TACR3: variants seen among roughly 807,000 people sequenced by gnomAD.
TACR3 encodes the protein tachykinin receptor 3, also known as neuromedin-K receptor.
In TACR3, 34 loss-of-function variants were observed where a neutral mutation model predicts 35.0. That is an observed-to-expected ratio of 0.97 (90% CI 0.74 to 1.30). The LOEUF (loss-of-function observed/expected upper bound fraction) is 1.30, where lower values mean the gene tolerates loss of function less well. TACR3 is among the 50% of genes most tolerant of loss of function. The pLI, the probability that TACR3 is intolerant of heterozygous loss-of-function variation, is 0.00. For missense variants in TACR3, 558 were observed against 591.7 expected, an observed-to-expected ratio of 0.94 and a Z score of 0.59; for synonymous variants, 233 against 221.1, an observed-to-expected ratio of 1.05 and a Z score of -0.48.
chr4:103,657,651 T>A (rs1387258865), intron 2 of TACR3, among the ~76,000 whole-genome samples: 4 of 152,230 alleles, frequency 2.6e-5, no homozygotes. Flanking sequence ...ACATTATTAT[T>A]CCTTCTTGCT....
At position 103,606,688 on chromosome 4, in the gene TACR3, C is replaced by G. The variant is rs1056617119; in HGVS notation, c.889-15005G>C. On this transcript the variant is annotated intron_variant, in intron 3 of 4. Coordinates refer to ENST00000304883, the MANE Select transcript of TACR3 (RefSeq NM_001059.3). ...ATTGATTTTGTATCCTGAGACTTTG[C>G]TGAAGTTGCTTATCAGCTTAAGGAG... Among the ~76,000 whole-genome samples, 3 of 152,148 alleles carry G rather than the reference C, an allele frequency of 2.0e-5. 1 individual carries two copies. Among genetic ancestry groups the G allele is most frequent in the East Asian group, 1.9e-4 (1 of 5,174 alleles).
At chr4:103,706,031 G>C (rs1436115774) in intron 1 of TACR3, among the ~76,000 whole-genome samples, 2 of 152,164 alleles carry the variant, frequency 1.3e-5, no homozygotes, top group Non-Finnish European at 2.9e-5. Flanking sequence ...GACCAATTAG[G>C]CAATTTTAGT....
intron 3 of TACR3, among the ~76,000 whole-genome samples, chr4:103,623,089 AATAT>A (rs1724819187): frequency 6.6e-6 from 1 of 152,088 alleles, no homozygotes; most frequent in African/African-American, 2.4e-5. Flanking sequence ...AAGTCTTTAA[AATAT>A]ATATTTATCT....
At chr4:103,689,815 A>G (rs1302147969) in intron 1 of TACR3, among the ~76,000 whole-genome samples, 5 of 152,180 alleles carry the variant, frequency 3.3e-5, no homozygotes, top group Admixed American at 3.3e-4. Context: ...AATTTGATGA[A>G]GCACATTAAT....
At chr4:103,658,540 T>G in intron 1 of TACR3, 137 bp from the exon 2 acceptor site, 1 of 750,894 alleles carries the variant, frequency 1.3e-6, no homozygotes. Context: ...AAGGACTGCT[T>G]GAGTAGAGGC....
chr4:103,705,005 AT>A (rs1397765268), intron 1 of TACR3, among the ~76,000 whole-genome samples: 1 of 152,058 alleles, frequency 6.6e-6, no homozygotes, highest in Non-Finnish European at 1.5e-5. Context: ...ATGCTCTATA[AT>A]TTGTTAGATC....
At chr4:103,716,671 A>C (rs1020519479) in intron 1 of TACR3, among the ~76,000 whole-genome samples, 33 of 150,926 alleles carry the variant, frequency 2.2e-4, no homozygotes, top group African/African-American at 7.0e-4. Flanking sequence ...ACAGCTGAAC[A>C]AAAGCCATAT....
intron 3 of TACR3, 32 bp from the exon 4 acceptor site, chr4:103,591,715 A>G (rs940870333): frequency 3.2e-6 from 5 of 1,556,304 alleles, no homozygotes; most frequent in Non-Finnish European, 4.4e-6. Flanking sequence ...TTTGACAAAT[A>G]TAATACTCAT....
intron 1 of TACR3, among the ~76,000 whole-genome samples, chr4:103,681,624 T>C (rs1027426688): frequency 3.3e-5 from 5 of 152,096 alleles, no homozygotes; most frequent in African/African-American, 1.2e-4. Context: ...AATCAAAAAT[T>C]GACTGAAATA....
intron 1 of TACR3, 39 bp from the exon 2 acceptor site, chr4:103,658,442 T>C: frequency 2.5e-6 from 4 of 1,586,910 alleles, no homozygotes; most frequent in Non-Finnish European, 3.5e-6. Context: ...TTGGTTTTCT[T>C]TATAACAGAG....
chr4:103,716,215 TTGTGTGTGTG>T (rs56790385), intron 1 of TACR3, among the ~76,000 whole-genome samples: 4,541 of 143,298 alleles, frequency 0.032, 238 homozygotes, highest in African/African-American at 0.11. Flanking sequence ...TAATTTTATC[TTGTGTGTGTG>T]TGTGTGTGTG....
chr4:103,643,869 G>T (rs1578240398), intron 3 of TACR3, among the ~76,000 whole-genome samples: 1 of 151,668 alleles, frequency 6.6e-6, no homozygotes, highest in Non-Finnish European at 1.5e-5. Flanking sequence ...TCCTGAATTT[G>T]TACTTGCAGA....
chr4:103,686,013 C>T (rs574704376), intron 1 of TACR3, among the ~76,000 whole-genome samples: 361 of 152,248 alleles, frequency 2.4e-3, no homozygotes, highest in Non-Finnish European at 4.3e-3. Context: ...GAGATCTCAT[C>T]TCAGTTGTTA....
chr4:103,704,962 A>T (rs899454118), intron 1 of TACR3, among the ~76,000 whole-genome samples: 5 of 152,154 alleles, frequency 3.3e-5, no homozygotes, highest in Non-Finnish European at 7.4e-5. Flanking sequence ...CAAATATGTA[A>T]TTTTTTATTT....
chr4:103,705,792 A>G lies in TACR3; in HGVS notation c.548+13336T>C, dbSNP rs921578922. Among the ~76,000 whole-genome samples the G allele has an allele frequency of 2.0e-5, 3 of 152,322 alleles. No individual in the cohort carries two copies. The South Asian group carries it at 6.2e-4, about 32-fold the overall frequency. Reference sequence around the variant, plus strand: ...TTATGGCAAAAAGATAGGATCATCCATTTATGAACTTGAAAGAGGATCTGA... The same window carrying G: ...TTATGGCAAAAAGATAGGATCATCCGTTTATGAACTTGAAAGAGGATCTGA... On this transcript the variant is annotated intron_variant, in intron 1 of 4. Coordinates refer to ENST00000304883, the MANE Select transcript of TACR3 (RefSeq NM_001059.3).
chr4:103,646,640 A>G (rs1725462002), intron 3 of TACR3, among the ~76,000 whole-genome samples: 1 of 151,874 alleles, frequency 6.6e-6, no homozygotes, highest in Non-Finnish European at 1.5e-5. Flanking sequence ...TCACGCATAT[A>G]TTTTGGGATG....
At chr4:103,601,354 G>C (rs949367383) in intron 3 of TACR3, among the ~76,000 whole-genome samples, 1 of 152,148 alleles carries the variant, frequency 6.6e-6, no homozygotes, top group African/African-American at 2.4e-5. Context: ...GCCAGTCTGA[G>C]TCTTTTAATT....
chr4:103,631,733 TAG>T (rs1725071500), intron 3 of TACR3, among the ~76,000 whole-genome samples: 1 of 152,174 alleles, frequency 6.6e-6, no homozygotes, highest in South Asian at 2.1e-4. Flanking sequence ...CACATGACTG[TAG>T]ATTCTCTCAT....
At chr4:103,685,300 G>A (rs1446707164) in intron 1 of TACR3, among the ~76,000 whole-genome samples, 1 of 152,036 alleles carries the variant, frequency 6.6e-6, no homozygotes, top group Non-Finnish European at 1.5e-5. Flanking sequence ...AAAACAATTG[G>A]ATATTTGTAT....
Sources: allele counts gnomAD v4.1 joint callset (sites outside exome capture counted in the v4.1 genomes callset), GRCh38; gene constraint gnomAD v4.1.1; transcripts MANE v1.5; gene names NCBI Gene and HGNC (gene_info 2026-07-23, HGNC 2026-07-21).